Variants in IMMP2L observed in about 807,000 individuals in gnomAD.
IMMP2L encodes mitochondrial inner membrane protease subunit 2.
A neutral mutation model predicts 19.3 loss-of-function variants in IMMP2L; 18 were observed. That is an observed-to-expected ratio of 0.93 (90% CI 0.64 to 1.38). The LOEUF (loss-of-function observed/expected upper bound fraction) is 1.38. Among genes scored for constraint, IMMP2L ranks in the 40% most tolerant of loss-of-function variants. The probability of loss-of-function intolerance (pLI) is 0.00; values close to 1 mark genes in which losing one functional copy is unlikely to be tolerated. For synonymous variants in IMMP2L, 76 were observed against 73.0 expected (o/e 1.04, Z -0.21); for missense variants, 233 against 218.2 (o/e 1.07, Z -0.43).
At chr7:111,231,925 T>G (rs1813761637) in intron 3 of IMMP2L, among the ~76,000 whole-genome samples, 3 of 151,974 alleles carry the variant, frequency 2.0e-5, no homozygotes, top group Admixed American at 2.0e-4. Context: ...GTGCACTATC[T>G]AGGAAGTCAA....
chr7:111,193,114 A>G (rs1263915268), intron 3 of IMMP2L, among the ~76,000 whole-genome samples: 1 of 152,148 alleles, frequency 6.6e-6, no homozygotes, highest in Non-Finnish European at 1.5e-5. Context: ...GAGAAAGGAA[A>G]AGATTGAGGA....
chr7:110,673,816 T>A (rs1044415703), intron 5 of IMMP2L, among the ~76,000 whole-genome samples: 2 of 152,142 alleles, frequency 1.3e-5, no homozygotes, highest in African/African-American at 2.4e-5. Flanking sequence ...ATTAAACAAG[T>A]CTCTAGGAAG....
At chr7:111,347,224 G>A (rs1276022762) in intron 3 of IMMP2L, among the ~76,000 whole-genome samples, 1 of 152,036 alleles carries the variant, frequency 6.6e-6, no homozygotes, top group East Asian at 1.9e-4. Context: ...ATAGATTGAA[G>A]AATATGGAGT....
intron 5 of IMMP2L, among the ~76,000 whole-genome samples, chr7:110,700,457 G>A (rs1462382051): frequency 6.6e-6 from 1 of 152,092 alleles, no homozygotes; most frequent in Admixed American, 6.6e-5. Context: ...AAATATTCAG[G>A]CCGTAACTAC....
chr7:111,325,402 C>T (rs577597978), intron 3 of IMMP2L, among the ~76,000 whole-genome samples: 56 of 151,464 alleles, frequency 3.7e-4, no homozygotes, highest in South Asian at 6.2e-4. Flanking sequence ...TGTGAAAGCG[C>T]GCAAAATAAA....
At chr7:110,669,840 G>A (rs1791770409) in intron 5 of IMMP2L, among the ~76,000 whole-genome samples, 1 of 152,146 alleles carries the variant, frequency 6.6e-6, no homozygotes, top group Non-Finnish European at 1.5e-5. Context: ...CCAAGGGGGT[G>A]CTATTTTTAT....
At chr7:111,465,936 G>C (rs1477368202) in intron 3 of IMMP2L, among the ~76,000 whole-genome samples, 7 of 152,224 alleles carry the variant, frequency 4.6e-5, no homozygotes, top group Non-Finnish European at 8.8e-5. Context: ...AAATGTCCAA[G>C]AATGATAGAC....
At chr7:111,070,465 T>G (rs945422356) in intron 3 of IMMP2L, among the ~76,000 whole-genome samples, 3 of 151,474 alleles carry the variant, frequency 2.0e-5, no homozygotes, top group Non-Finnish European at 2.9e-5. Flanking sequence ...ATTTTTTTTT[T>G]GGTTAAATAA....
chr7:111,065,382 T>G (rs1443230354), intron 3 of IMMP2L, among the ~76,000 whole-genome samples: 1 of 152,142 alleles, frequency 6.6e-6, no homozygotes, highest in Non-Finnish European at 1.5e-5. Context: ...ATTTGAAGAT[T>G]AGGTATGATC....
At chr7:110,814,724 T>C (rs910895571) in intron 5 of IMMP2L, among the ~76,000 whole-genome samples, 5 of 149,224 alleles carry the variant, frequency 3.4e-5, no homozygotes, top group Non-Finnish European at 5.9e-5. Flanking sequence ...TATATGTATA[T>C]ATATAAAATT....
chr7:111,180,467 G>A (rs1353975078), intron 3 of IMMP2L, among the ~76,000 whole-genome samples: 3 of 151,952 alleles, frequency 2.0e-5, no homozygotes, highest in Non-Finnish European at 4.4e-5. Flanking sequence ...TGAGGTTTGT[G>A]GTGCCCTGAA....
chr7:110,689,621 G>C (rs535263223), intron 5 of IMMP2L, among the ~76,000 whole-genome samples: 1 of 152,072 alleles, frequency 6.6e-6, no homozygotes, highest in African/African-American at 2.4e-5. Flanking sequence ...TAATTGTAAA[G>C]GCACTTTTTA....
Position 111,522,167 on chromosome 7 carries a change from G to A in IMMP2L, c.-2-718C>T, listed in dbSNP as rs146742538. ...GTTAAATCACAGATAAATCACTTGC[G>A]CTGTTTGTGGTGGCAGTGTTGGTGT... On this transcript the variant is annotated intron_variant, in intron 1 of 5. Coordinates refer to ENST00000405709, the MANE Select transcript of IMMP2L (RefSeq NM_032549.4). 7.9e-4 allele frequency among the ~76,000 whole-genome samples: 120 copies of A among 152,142 alleles called. 1 individual carries two copies. The highest frequency in any genetic ancestry group is 2.8e-3 in the African/African-American group (115 of 41,508).
intron 3 of IMMP2L, among the ~76,000 whole-genome samples, chr7:111,192,799 AC>A (rs1306933695): frequency 2.6e-5 from 4 of 152,176 alleles, no homozygotes; most frequent in Admixed American, 1.3e-4. Flanking sequence ...ACAAATAGCC[AC>A]AATTTTAAGC....
intron 5 of IMMP2L, among the ~76,000 whole-genome samples, chr7:110,721,678 A>T (rs921326781): frequency 1.3e-5 from 2 of 152,086 alleles, no homozygotes; most frequent in African/African-American, 2.4e-5. Flanking sequence ...ATTAATTTTC[A>T]TTTTTCTAGC....
intron 3 of IMMP2L, among the ~76,000 whole-genome samples, chr7:111,058,056 C>G (rs1484372862): frequency 2.0e-5 from 3 of 152,116 alleles, no homozygotes; most frequent in Admixed American, 1.3e-4. Flanking sequence ...GCTAACATTT[C>G]CATTTCTGCA....
chr7:111,239,208 C>G (rs188187328), intron 3 of IMMP2L, among the ~76,000 whole-genome samples: 2 of 151,848 alleles, frequency 1.3e-5, no homozygotes, highest in African/African-American at 4.8e-5. Flanking sequence ...TCCAAACTAT[C>G]GCTATGAGTA....
At chr7:110,686,471 T>G (rs1478342644) in intron 5 of IMMP2L, among the ~76,000 whole-genome samples, 1 of 152,002 alleles carries the variant, frequency 6.6e-6, no homozygotes, top group Non-Finnish European at 1.5e-5. Flanking sequence ...CTGATTATCT[T>G]CTCAGTGGCC....
chr7:111,131,874 C>T (rs1586487304), intron 3 of IMMP2L, among the ~76,000 whole-genome samples: 1 of 150,704 alleles, frequency 6.6e-6, no homozygotes, highest in African/African-American at 2.4e-5. Flanking sequence ...TAACATAGAG[C>T]AAAAAAATAA....
Sources: gnomAD v4.1 joint callset for allele counts (sites outside exome capture counted in the v4.1 genomes callset) on GRCh38, gnomAD v4.1.1 for gene constraint, MANE v1.5 for transcripts, NCBI Gene and HGNC (gene_info 2026-07-23, HGNC 2026-07-21) for gene names.